The following BICDL1 variants were observed in gnomAD, a reference collection of about 807,000 sequenced individuals.
BICDL1 encodes BICD family-like cargo adapter 1.
In BICDL1, 20 loss-of-function variants were observed where a neutral mutation model predicts 76.8. That is an observed-to-expected ratio of 0.26 (90% confidence interval 0.18 to 0.38). BICDL1 has a LOEUF of 0.38. Among genes scored for constraint, BICDL1 ranks in the 10% least tolerant of loss-of-function variants. The pLI, the probability that BICDL1 is intolerant of heterozygous loss-of-function variation, is 1.00. For synonymous variants in BICDL1, 383 were observed against 337.1 expected (o/e 1.14, Z -1.49); for missense variants, 700 against 798.6 (o/e 0.88, Z 1.49).
chr12:120,005,574 A>T (rs1227760313), intron 2 of BICDL1, among the ~76,000 whole-genome samples: 1 of 152,072 alleles, frequency 6.6e-6, no homozygotes, highest in African/African-American at 2.4e-5. Flanking sequence ...CGGTTTTGCC[A>T]TGTTGGCAGG....
intron 6 of BICDL1, 61 bp from the exon 7 acceptor site, chr12:120,074,382 C>T: frequency 3.9e-6 from 4 of 1,013,462 alleles, no homozygotes; most frequent in African/African-American, 1.7e-5. Context: ...TCTCTCTCCC[C>T]CTTCCCTATC....
intron 9 of BICDL1, chr12:120,091,075 C>A: frequency 1.6e-6 from 2 of 1,285,740 alleles, no homozygotes; most frequent in South Asian, 2.5e-5. Flanking sequence ...GCTGTGCTGC[C>A]CCGCCGCCTC....
intron 4 of BICDL1, among the ~76,000 whole-genome samples, chr12:120,070,558 T>C (rs1873006898): frequency 6.6e-6 from 1 of 152,214 alleles, no homozygotes; most frequent in Non-Finnish European, 1.5e-5. Context: ...TTAAAAAATG[T>C]AACTACAGTA....
intron 2 of BICDL1, among the ~76,000 whole-genome samples, chr12:120,040,113 G>A (rs1479717997): frequency 6.7e-6 from 1 of 149,652 alleles, no homozygotes; most frequent in Non-Finnish European, 1.5e-5. Context: ...TCTTTTTTTT[G>A]TTCTTCTGAG....
chr12:120,046,849 T>A (rs902698492), intron 2 of BICDL1, among the ~76,000 whole-genome samples: 5 of 152,218 alleles, frequency 3.3e-5, no homozygotes, highest in Admixed American at 6.5e-5. Flanking sequence ...TTATGAGTCC[T>A]CATAGAACAT....
At chr12:120,053,472 G>A (rs1254137566) in intron 2 of BICDL1, among the ~76,000 whole-genome samples, 2 of 152,060 alleles carry the variant, frequency 1.3e-5, no homozygotes, top group East Asian at 3.8e-4. Flanking sequence ...GTAGACTCAG[G>A]AATATTTATC....
intron 1 of BICDL1, 133 bp downstream of exon 1, chr12:119,990,430 G>A: frequency 5.5e-6 from 8 of 1,456,072 alleles, no homozygotes; most frequent in Non-Finnish European, 6.4e-6. Flanking sequence ...GAATGAATGG[G>A]GGAGGGAGGA....
intron 8 of BICDL1, among the ~76,000 whole-genome samples, chr12:120,088,906 C>A (rs542616920): frequency 2.3e-4 from 35 of 152,208 alleles, no homozygotes; most frequent in Non-Finnish European, 5.0e-4. Context: ...CCTCGTGATC[C>A]GCCCGCCTTG....
chr12:120,083,551 C>T (rs1294110395), intron 8 of BICDL1, among the ~76,000 whole-genome samples: 2 of 151,566 alleles, frequency 1.3e-5, no homozygotes, highest in African/African-American at 2.4e-5. Context: ...TGCCCAGCCC[C>T]ACCCTGTTCA....
At chr12:120,078,637 G>A (rs943855707) in intron 7 of BICDL1, among the ~76,000 whole-genome samples, 2 of 152,124 alleles carry the variant, frequency 1.3e-5, no homozygotes, top group African/African-American at 4.8e-5. Context: ...TTTTATTTCC[G>A]CTTATTATAA....
intron 7 of BICDL1, among the ~76,000 whole-genome samples, chr12:120,076,790 G>C (rs1873584414): frequency 6.6e-6 from 1 of 152,224 alleles, no homozygotes; most frequent in African/African-American, 2.4e-5. Flanking sequence ...GGCCTCCCAA[G>C]GCAGGGGTAG....
chr12:120,058,399 C>T (rs577615070), intron 2 of BICDL1, among the ~76,000 whole-genome samples: 12 of 152,076 alleles, frequency 7.9e-5, no homozygotes, highest in Non-Finnish European at 1.6e-4. Context: ...TGCATCTCTG[C>T]GGCTTCGTTG....
intron 3 of BICDL1, among the ~76,000 whole-genome samples, chr12:120,063,663 A>G (rs1245314606): frequency 6.6e-6 from 1 of 152,206 alleles, no homozygotes; most frequent in Non-Finnish European, 1.5e-5. Flanking sequence ...AGAATATTTT[A>G]ACCATGTCAA....
rs1409247394 is a variant in BICDL1 at position 120,064,899 on chromosome 12, G to A, written c.909+20G>A. The A allele has an allele frequency of 6.3e-7, 1 of 1,587,434 alleles. No homozygotes were observed. The highest frequency in any genetic ancestry group is 1.7e-4 in the Middle Eastern group (1 of 5,818). On this transcript the variant is annotated intron_variant, in intron 4 of 9. Transcript: ENST00000548673. Reference sequence around the variant, plus strand: ...CTACAGGTACTGGGGTAGAGAAGCTGTCCTGCAGGACTAGAGCCAGATAAA... The same window carrying A: ...CTACAGGTACTGGGGTAGAGAAGCTATCCTGCAGGACTAGAGCCAGATAAA...
chr12:120,024,574 CAA>C (rs1952249691), intron 2 of BICDL1, among the ~76,000 whole-genome samples: 2 of 152,194 alleles, frequency 1.3e-5, no homozygotes, highest in Non-Finnish European at 2.9e-5. Flanking sequence ...ATGCCAAACA[CAA>C]GAAACATGAA....
intron 9 of BICDL1, chr12:120,091,622 G>A: frequency 2.0e-6 from 2 of 985,084 alleles, no homozygotes; most frequent in Non-Finnish European, 2.4e-6. Flanking sequence ...AGAAGACCAG[G>A]AATGAGCTGA....
At chr12:120,080,760 A>G (rs1056815340) in intron 7 of BICDL1, 127 bp from the exon 8 acceptor site, 41 of 924,746 alleles carry the variant, frequency 4.4e-5, no homozygotes, top group Non-Finnish European at 6.3e-5. Flanking sequence ...TGGCAGTGGA[A>G]TGCTACCAGC....
intron 2 of BICDL1, among the ~76,000 whole-genome samples, chr12:120,044,060 A>T (rs1163276934): frequency 6.6e-6 from 1 of 152,182 alleles, no homozygotes; most frequent in Non-Finnish European, 1.5e-5. Flanking sequence ...ATCAGGTGAA[A>T]ATTTGAGGAA....
intron 1 of BICDL1, 46 bp downstream of exon 1, chr12:119,990,343 G>A: frequency 6.5e-7 from 1 of 1,540,250 alleles, no homozygotes; most frequent in Non-Finnish European, 8.7e-7. Flanking sequence ...GGGCCGCCCA[G>A]GCACGCGCCC....
Sources: gnomAD v4.1 joint callset for allele counts (sites outside exome capture counted in the v4.1 genomes callset) on GRCh38, gnomAD v4.1.1 for gene constraint, MANE v1.5 for transcripts, NCBI Gene and HGNC (gene_info 2026-07-23, HGNC 2026-07-21) for gene names.